OSBPL5: variants seen among roughly 807,000 people sequenced by gnomAD.
OSBPL5 encodes oxysterol binding protein like 5, also known as oxysterol-binding protein-related protein 5.
A neutral mutation model predicts 111.2 loss-of-function variants in OSBPL5; 71 were observed. The ratio of observed to expected loss-of-function variants is 0.64; its 90% CI spans 0.53 to 0.78. The LOEUF is 0.78. OSBPL5 is among the 30% of genes least tolerant of loss of function. The pLI, the probability that OSBPL5 is intolerant of heterozygous loss-of-function variation, is 0.00. For synonymous variants in OSBPL5, 549 were observed against 513.9 expected, an observed-to-expected ratio of 1.07 and a Z score of -0.93; for missense variants, 1,210 against 1,189.3, an observed-to-expected ratio of 1.02 and a Z score of -0.26.
chr11:3,109,577 G>T lies in OSBPL5; in HGVS notation c.692-1632C>A, dbSNP rs894197276. The stretch of plus-strand genomic sequence containing the variant: ...CATCTCAGGGTCCAGTGTAGGGAGG[G>T]GCCTGCCTAGACAGTGGCTCCTGGG... On this transcript the variant is annotated intron_variant, in intron 7 of 21. Coordinates refer to ENST00000263650, the MANE Select transcript of OSBPL5 (RefSeq NM_020896.4). This position sits in a 1 kb window ranked among gnomAD's most constrained non-coding sequence, Gnocchi z 7.4. Among the ~76,000 whole-genome samples, 2 of 152,086 alleles carry T rather than the reference G, an allele frequency of 1.3e-5. No individual in the cohort carries two copies. Among genetic ancestry groups the T allele is most frequent in the African/African-American group, 4.8e-5 (2 of 41,390 alleles).
At chr11:3,125,835 G>T (rs1858602710) in intron 3 of OSBPL5, among the ~76,000 whole-genome samples, 1 of 145,454 alleles carries the variant, frequency 6.9e-6, no homozygotes, top group Non-Finnish European at 1.5e-5. Flanking sequence ...ACAAAAAATT[G>T]GCCGGCCGTG....
intron 10 of OSBPL5, 116 bp from the exon 11 acceptor site, chr11:3,103,436 C>G: frequency 1.1e-6 from 1 of 903,274 alleles, no homozygotes; most frequent in South Asian, 1.7e-5. Flanking sequence ...GGAAACAGGC[C>G]ACTTGGCCCA....
At chr11:3,103,819 C>CAGCCCCTTTCCAGCCTGT (rs1564830449) in intron 10 of OSBPL5, among the ~76,000 whole-genome samples, 15 of 44,050 alleles carry the variant, frequency 3.4e-4, no homozygotes, top group African/African-American at 6.8e-4. Context: ...TTCCTGCCTG[C>CAGCCCCTTTCCAGCCTGT]GCAGCCCCCT....
At position 3,119,200 on chromosome 11, in the gene OSBPL5, G is replaced by A. The variant is rs555321314; in HGVS notation, c.691+347C>T. ...AATTTTTGTATTTTTTAGTAGAGTC[G>A]GGGTTTCACCATGTTGGCCAGGCTG... On this transcript the variant is annotated intron_variant, in intron 7 of 21. Transcript: ENST00000263650. Among the ~76,000 whole-genome samples the A allele has an allele frequency of 5.3e-5, 8 of 151,412 alleles. No homozygotes were observed. In the South Asian group the frequency reaches 1.0e-3, roughly 20 times the overall value.
intron 1 of OSBPL5, among the ~76,000 whole-genome samples, chr11:3,147,930 C>T (rs964412633): frequency 6.6e-5 from 10 of 152,186 alleles, no homozygotes; most frequent in Non-Finnish European, 1.3e-4. Flanking sequence ...CCTGGCCTCA[C>T]CGAGCTGCCC....
At chr11:3,163,395 CAG>C (rs1484519753) in intron 1 of OSBPL5, among the ~76,000 whole-genome samples, 1 of 152,150 alleles carries the variant, frequency 6.6e-6, no homozygotes, top group Admixed American at 6.5e-5. Context: ...CGGCTTGTCA[CAG>C]AGTGTTTCTC....
chr11:3,137,368 C>T (rs1049872653), intron 1 of OSBPL5, among the ~76,000 whole-genome samples: 1 of 152,234 alleles, frequency 6.6e-6, no homozygotes, highest in African/African-American at 2.4e-5. Flanking sequence ...GGGCTTGGGA[C>T]ATGCGCTTTC....
At chr11:3,118,073 A>AT (rs1452303398) in intron 7 of OSBPL5, among the ~76,000 whole-genome samples, 2 of 152,204 alleles carry the variant, frequency 1.3e-5, no homozygotes, top group Non-Finnish European at 2.9e-5. Flanking sequence ...GGAATAAACC[A>AT]TCCTAGCCAT....
chr11:3,104,289 T>A lies in OSBPL5; in HGVS notation c.1148A>T (p.Asp383Val). ...CGTGGGTAGCACCACGCGGGACAGG[T>A]CCATGCCTGGCCGTAGCTGCTTCAG... ...TLLKQLRPGMDLSRVVLPTFV... is the reference protein window; with the variant it reads ...TLLKQLRPGMVLSRVVLPTFV... The change falls in exon 10 of 22, where the codon GAC becomes GTC. Residue 383 changes from aspartate (D) to valine (V), a missense_variant. Transcript: ENST00000263650. This position sits in a 1 kb window ranked among gnomAD's most constrained non-coding sequence, Gnocchi z 5.0. The A allele has an allele frequency of 1.2e-6, 2 of 1,613,762 alleles. No individual in the cohort carries two copies. Among genetic ancestry groups the A allele is most frequent in the Non-Finnish European group, 1.7e-6 (2 of 1,179,978 alleles).
At chr11:3,112,062 T>TGTGC (rs75427714) in intron 7 of OSBPL5, among the ~76,000 whole-genome samples, 9 of 62,696 alleles carry the variant, frequency 1.4e-4, no homozygotes, top group African/African-American at 4.2e-4. Context: ...TGTGCATGTG[T>TGTGC]ATGTGTGTGT....
intron 14 of OSBPL5, 99 bp downstream of exon 14, chr11:3,100,059 A>G: frequency 9.7e-7 from 1 of 1,035,314 alleles, no homozygotes; most frequent in Non-Finnish European, 1.4e-6. Flanking sequence ...ATGAAGGCGA[A>G]GTAAAGATAC....
At position 3,121,700 on chromosome 11, in the gene OSBPL5, C is replaced by A; in HGVS notation, c.402+297G>T. 1 of 427,356 alleles carries A rather than the reference C, an allele frequency of 2.3e-6. No individual in the cohort carries two copies. The highest frequency in any genetic ancestry group is 4.3e-6 in the Non-Finnish European group (1 of 234,658). 26.5% of individuals were successfully genotyped at this position (427,356 alleles called of 1,614,324 possible). The stretch of plus-strand genomic sequence containing the variant: ...GTCTCCCTCCCCAGCGCCCTCCGCC[C>A]ACTGGCCAGGCCCCACCTTATTCGG... On this transcript the variant is annotated intron_variant, in intron 5 of 21. Transcript: ENST00000263650. This position sits in a 1 kb window ranked among gnomAD's most constrained non-coding sequence, Gnocchi z 4.3.
At chr11:3,089,745 C>T (rs1289579914) in intron 21 of OSBPL5, 101 bp downstream of exon 21, 5 of 1,096,624 alleles carry the variant, frequency 4.6e-6, no homozygotes, top group African/African-American at 3.1e-5. Flanking sequence ...ATGACAACCC[C>T]AGCCGCGGCC....
Position 3,119,590 on chromosome 11 carries a change from C to G in OSBPL5, c.648G>C (p.Leu216=), listed in dbSNP as rs1253533644. 8 of 1,577,530 alleles carry G rather than the reference C, an allele frequency of 5.1e-6. No homozygotes were observed. Among genetic ancestry groups the G allele is most frequent in the Non-Finnish European group, 6.9e-6 (8 of 1,166,402 alleles). ...CCCTGAAGATCAGGTAGCTGCTGGG[C>G]AGGGGCTGTGTGATGGAGCCCACGC... ...GESVGSITQP[L]PSSYLIFRAA... Residue 216 remains leucine, a synonymous_variant, in exon 7 of 22, where the codon CTG becomes CTC. Transcript: ENST00000263650.
rs187281223 is a variant in OSBPL5, at chr11:3,138,097, T to C, written c.-21-8928A>G. Among the ~76,000 whole-genome samples the C allele has an allele frequency of 5.0e-4, 76 of 152,272 alleles. 4 individuals carry two copies. In the East Asian group the frequency reaches 0.011, roughly 21 times the overall value. On this transcript the variant is annotated intron_variant, in intron 1 of 21. Coordinates refer to ENST00000263650, the MANE Select transcript of OSBPL5 (RefSeq NM_020896.4). The stretch of plus-strand genomic sequence containing the variant: ...TGTTCTCCGGGCTGCCTCAGCCAAG[T>C]CCTGTGCCTGTGGGCCCGGCCAGGC...
chr11:3,160,512 C>A (rs930796899), intron 1 of OSBPL5, among the ~76,000 whole-genome samples: 1 of 152,206 alleles, frequency 6.6e-6, no homozygotes, highest in African/African-American at 2.4e-5. Flanking sequence ...GGACCCACAG[C>A]GGCGCGCCCT....
intron 1 of OSBPL5, among the ~76,000 whole-genome samples, chr11:3,151,559 T>A (rs1004168658): frequency 1.3e-5 from 2 of 152,208 alleles, no homozygotes; most frequent in Non-Finnish European, 2.9e-5. Context: ...AACCGACCCC[T>A]GCCCTTTTTC....
intron 3 of OSBPL5, among the ~76,000 whole-genome samples, chr11:3,124,381 A>G (rs1858527186): frequency 6.6e-6 from 1 of 152,160 alleles, no homozygotes; most frequent in Non-Finnish European, 1.5e-5. Flanking sequence ...CTGAGTGACG[A>G]GGCATATGCT....
At chr11:3,135,170 C>T (rs1004032979) in intron 1 of OSBPL5, among the ~76,000 whole-genome samples, 6 of 152,360 alleles carry the variant, frequency 3.9e-5, no homozygotes, top group Admixed American at 2.6e-4. Context: ...GGCGGTGCTT[C>T]GCTTTGGCCT....
Sources: allele counts gnomAD v4.1 joint callset (sites outside exome capture counted in the v4.1 genomes callset), GRCh38; gene constraint gnomAD v4.1.1; non-coding constraint Gnocchi (gnomAD v3.1); transcripts MANE v1.5; gene names NCBI Gene and HGNC (gene_info 2026-07-23, HGNC 2026-07-21).